TMEM51: variants seen among roughly 807,000 people sequenced by gnomAD.
TMEM51 encodes the protein chromosome 1 open reading frame 72.
TMEM51 carries 8 observed loss-of-function variants against 13.6 expected under a neutral mutation model. The observed-to-expected ratio is 0.59, with a 90% CI of 0.35 to 1.07. The LOEUF (loss-of-function observed/expected upper bound fraction) is 1.07, where lower values mean the gene tolerates loss of function less well. TMEM51 is among the 50% of genes least tolerant of loss of function. The pLI is 0.02. For synonymous variants in TMEM51, 147 were observed against 144.4 expected (o/e 1.02, Z -0.13); for missense variants, 279 against 330.7 (o/e 0.84, Z 1.21).
At chr1:15,159,611 C>G (rs1157613727) in intron 1 of TMEM51, among the ~76,000 whole-genome samples, 1 of 152,202 alleles carries the variant, frequency 6.6e-6, no homozygotes, top group East Asian at 1.9e-4. Context: ...GGCTGGACTG[C>G]AGTGGTGCAA....
chr1:15,182,464 G>T (rs985214605), intron 1 of TMEM51, among the ~76,000 whole-genome samples: 1 of 152,220 alleles, frequency 6.6e-6, no homozygotes, highest in Non-Finnish European at 1.5e-5. Flanking sequence ...GGACCACTCC[G>T]AGTTGAGCTG....
chr1:15,158,187 G>A (rs1337241476), intron 1 of TMEM51, among the ~76,000 whole-genome samples: 1 of 152,168 alleles, frequency 6.6e-6, no homozygotes, highest in South Asian at 2.1e-4. Context: ...TAGGTCTCAC[G>A]TGCTTCCACC....
At chr1:15,170,467 C>T (rs1329782111) in intron 1 of TMEM51, among the ~76,000 whole-genome samples, 1 of 151,670 alleles carries the variant, frequency 6.6e-6, no homozygotes, top group Non-Finnish European at 1.5e-5. Flanking sequence ...CACCACCACG[C>T]CCGGCTAATT....
chr1:15,201,012 C>G (rs1046247980), intron 1 of TMEM51, among the ~76,000 whole-genome samples: 1 of 152,204 alleles, frequency 6.6e-6, no homozygotes, highest in Non-Finnish European at 1.5e-5. Flanking sequence ...TATATGGCAC[C>G]TGCCAGCACG....
intron 1 of TMEM51, among the ~76,000 whole-genome samples, chr1:15,167,829 C>T (rs1245550960): frequency 6.6e-6 from 1 of 152,170 alleles, no homozygotes; most frequent in Non-Finnish European, 1.5e-5. Flanking sequence ...CCATTGATGA[C>T]TCTCCCTTTC....
chr1:15,170,888 C>T (rs1031236922), intron 1 of TMEM51, among the ~76,000 whole-genome samples: 4 of 152,132 alleles, frequency 2.6e-5, no homozygotes, highest in Admixed American at 6.5e-5. Flanking sequence ...TCCACCACGC[C>T]TGGCTAATTT....
intron 1 of TMEM51, among the ~76,000 whole-genome samples, chr1:15,158,581 C>T (rs774376672): frequency 2.4e-4 from 37 of 152,206 alleles, no homozygotes; most frequent in Non-Finnish European, 4.1e-4. Flanking sequence ...TTGGCATGCT[C>T]ATCTCCAAAC....
chr1:15,163,142 G>C (rs10927690), intron 1 of TMEM51, among the ~76,000 whole-genome samples: 35,368 of 151,794 alleles, frequency 0.23, 4,546 homozygotes, highest in African/African-American at 0.32. Flanking sequence ...CCAGGCTTTG[G>C]GGGGAAACGG....
chr1:15,215,370 G>A lies in TMEM51; in HGVS notation c.283G>A (p.Glu95Lys), dbSNP rs775821858. 2.5e-6 allele frequency: 4 copies of A among 1,611,764 alleles called. No homozygotes were observed. The highest frequency in any genetic ancestry group is 1.3e-5 in the African/African-American group (1 of 74,930). Reference sequence around the variant, plus strand: ...GGATAAGAGGAAGCAGCGGCAGGGCGAGGACCTGGCCCATGTCCAGCACCC... The same window carrying A: ...GGATAAGAGGAAGCAGCGGCAGGGCAAGGACCTGGCCCATGTCCAGCACCC... ...IRDKRKQRQG[E>K]DLAHVQHPTG... is the part of the protein sequence containing the mutation. The change falls in exon 3 of 4, where the codon GAG (glutamate) becomes AAG (lysine). Residue 95 changes from glutamate (E) to lysine (K), a missense_variant. Glu to Lys is a moderately conservative substitution (Grantham distance 56). Coordinates refer to ENST00000376008, the MANE Select transcript of TMEM51 (RefSeq NM_001136218.2).
intron 1 of TMEM51, among the ~76,000 whole-genome samples, chr1:15,185,034 C>T (rs1643733001): frequency 6.6e-6 from 1 of 151,998 alleles, no homozygotes; most frequent in Non-Finnish European, 1.5e-5. Context: ...GTCCTGCCTG[C>T]CCCACCCCCA....
chr1:15,191,137 A>T lies in TMEM51; in HGVS notation c.-266-19353A>T, dbSNP rs575247681. ...GCAGGCAGGCCGGAGTCAGAGAAGG[A>T]GGTGTGGTGACCAAAGCAGAAGCTG... On this transcript the variant is annotated intron_variant, in intron 1 of 3. Coordinates refer to ENST00000376008, the MANE Select transcript of TMEM51 (RefSeq NM_001136218.2). Among the ~76,000 whole-genome samples, 232 of 152,296 alleles carry T rather than the reference A, an allele frequency of 1.5e-3. 1 individual carries two copies. The highest frequency in any genetic ancestry group is 3.0e-3 in the Non-Finnish European group (201 of 68,026).
At position 15,202,814 on chromosome 1, in the gene TMEM51, G is replaced by A. The variant is rs74053442; in HGVS notation, c.-266-7676G>A. 1.9e-3 allele frequency among the ~76,000 whole-genome samples: 296 copies of A among 152,226 alleles called. 2 individuals carry two copies. Among genetic ancestry groups the A allele is most frequent in the African/African-American group, 6.7e-3 (280 of 41,540 alleles). On this transcript the variant is annotated intron_variant, in intron 1 of 3. Coordinates refer to ENST00000376008, the MANE Select transcript of TMEM51 (RefSeq NM_001136218.2). Reference sequence around the variant, plus strand: ...GGACCCGGATATCTTTGAAGACCACGATTCAGCCTCCCATGTGCCTGTTCC... The same window carrying A: ...GGACCCGGATATCTTTGAAGACCACAATTCAGCCTCCCATGTGCCTGTTCC...
At chr1:15,186,062 G>C (rs1573410268) in intron 1 of TMEM51, among the ~76,000 whole-genome samples, 1 of 152,214 alleles carries the variant, frequency 6.6e-6, no homozygotes, top group African/African-American at 2.4e-5. Context: ...CTGAGCCCAA[G>C]GGAGGGACCC....
chr1:15,159,097 G>A (rs1013847119), intron 1 of TMEM51, among the ~76,000 whole-genome samples: 4 of 152,226 alleles, frequency 2.6e-5, no homozygotes, highest in Non-Finnish European at 5.9e-5. Context: ...GGACAGAGCT[G>A]AGTGGTGGAG....
intron 3 of TMEM51, among the ~76,000 whole-genome samples, chr1:15,218,930 A>G (rs572021143): frequency 1.3e-5 from 2 of 152,306 alleles, no homozygotes; most frequent in South Asian, 4.2e-4. Flanking sequence ...CTCAGGGTGT[A>G]CTGCCTATGA....
intron 1 of TMEM51, among the ~76,000 whole-genome samples, chr1:15,163,153 T>TG (rs1469667782): frequency 6.6e-6 from 1 of 151,990 alleles, no homozygotes; most frequent in Admixed American, 6.5e-5. Context: ...GGGGAAACGG[T>TG]GCCTAAGACA....
rs138326958 is a variant in TMEM51, at chr1:15,178,058, C to T, written c.-267+24104C>T. 2.0e-5 allele frequency among the ~76,000 whole-genome samples: 3 copies of T among 152,094 alleles called. No individual in the cohort carries two copies. In the East Asian group the frequency reaches 5.8e-4, roughly 30 times the overall value. ...TGGGAGTCGAACCTAGAACCAGAAC[C>T]TTTGACCCTGGCTCAATAATGCCTG... On this transcript the variant is annotated intron_variant, in intron 1 of 3. Transcript: ENST00000376008.
intron 1 of TMEM51, among the ~76,000 whole-genome samples, chr1:15,179,877 C>T (rs1643561754): frequency 6.6e-6 from 1 of 152,214 alleles, no homozygotes; most frequent in Non-Finnish European, 1.5e-5. Flanking sequence ...AAGGTATGCA[C>T]ATATGAGGGA....
intron 1 of TMEM51, among the ~76,000 whole-genome samples, chr1:15,175,412 A>C (rs1454577115): frequency 2.0e-5 from 3 of 152,078 alleles, no homozygotes; most frequent in African/African-American, 7.2e-5. Context: ...ACAAATAAAT[A>C]AATTAAATAA....
Sources: allele counts gnomAD v4.1 joint callset (sites outside exome capture counted in the v4.1 genomes callset), GRCh38; gene constraint gnomAD v4.1.1; transcripts MANE v1.5; gene names NCBI Gene and HGNC (gene_info 2026-07-23, HGNC 2026-07-21).